Variants in DNAH9 observed in about 807,000 individuals in gnomAD.
DNAH9 encodes the protein dynein axonemal heavy chain 9.
DNAH9 carries 345 observed loss-of-function variants against 471.6 expected under a neutral mutation model. The observed-to-expected ratio is 0.73, with a 90% CI of 0.67 to 0.80. The LOEUF (loss-of-function observed/expected upper bound fraction) is 0.80, where lower values mean the gene tolerates loss of function less well. Among genes scored for constraint, DNAH9 ranks in the 30% least tolerant of loss-of-function variants. The pLI is 0.00. For missense variants in DNAH9, 5,407 were observed against 5,609.2 expected (o/e 0.96, Z 1.15); for synonymous variants, 2,093 against 2,123.6 (o/e 0.99, Z 0.40).
chr17:11,668,994 TA>T, intron 15 of DNAH9, 69 bp from the exon 16 acceptor site: 1 of 1,130,228 alleles, frequency 8.8e-7, no homozygotes. Flanking sequence ...TGGGTGCTTT[TA>T]AAACAGTCCT....
intron 27 of DNAH9, among the ~76,000 whole-genome samples, chr17:11,724,569 C>T (rs1189353822): frequency 1.3e-5 from 2 of 152,200 alleles, no homozygotes; most frequent in Admixed American, 1.3e-4. Context: ...TTTCTTTATG[C>T]ATTCATCCAT....
At position 11,694,664 on chromosome 17, in the gene DNAH9, CGCTT is replaced by C. The variant is rs2074406786; in HGVS notation, c.4872+218_4872+221del. On this transcript the variant is annotated intron_variant, in intron 22 of 68. Coordinates refer to ENST00000262442, the MANE Select transcript of DNAH9 (RefSeq NM_001372.4). ...TTGCTTTCTCGCTTTCTCGCTTTCT[CGCTT>C]TCTCGCTTTCTCGCTTTCTCGCTTT... Among the ~76,000 whole-genome samples the C allele has an allele frequency of 5.3e-4, 3 of 5,676 alleles. 1 individual carries two copies. The South Asian group carries it at 0.022, about 42-fold the overall frequency. The allele number at this position is 5,676 out of a possible 152,430, so 3.7% of individuals were successfully genotyped here. A position where few individuals can be genotyped will look rare whatever the true frequency, so the allele number is the denominator to read the frequency against.
intron 35 of DNAH9, among the ~76,000 whole-genome samples, chr17:11,762,086 T>C (rs990578972): frequency 6.6e-6 from 1 of 152,090 alleles, no homozygotes; most frequent in Non-Finnish European, 1.5e-5. Context: ...CATCAAGGAG[T>C]CAGTCTTCTC....
intron 55 of DNAH9, chr17:11,882,802 C>A: frequency 2.6e-6 from 1 of 390,046 alleles, no homozygotes; most frequent in Admixed American, 6.4e-5. Flanking sequence ...GAGGAGTTGG[C>A]ATCTGAGCTA....
At chr17:11,670,028 G>A (rs978756066) in intron 17 of DNAH9, among the ~76,000 whole-genome samples, 1 of 152,134 alleles carries the variant, frequency 6.6e-6, no homozygotes, top group African/African-American at 2.4e-5. Flanking sequence ...GTGTGTGAAA[G>A]GCACGTGGTT....
At position 11,783,612 on chromosome 17, in the gene DNAH9, G is replaced by A. The variant is rs537988892; in HGVS notation, c.7719-34G>A. ...AAGCACTCACCTGCCTCAGTCCTCA[G>A]ACACCTTTCACCTAGAGCTTCTGAC... On this transcript the variant is annotated intron_variant, in intron 39 of 68. Transcript: ENST00000262442. 14 of 1,572,708 alleles carry A rather than the reference G, an allele frequency of 8.9e-6. No homozygotes were observed. In the South Asian group the frequency reaches 1.5e-4, roughly 16 times the overall value.
chr17:11,953,178 G>A lies in DNAH9; in HGVS notation c.12844-8689G>A, dbSNP rs549118886. Among the ~76,000 whole-genome samples the A allele has an allele frequency of 7.4e-4, 112 of 152,210 alleles. 1 individual carries two copies. The highest frequency in any genetic ancestry group is 3.4e-3 in the Middle Eastern group (1 of 294). On this transcript the variant is annotated intron_variant, in intron 67 of 68. Transcript: ENST00000262442. ...CAACATATGAATTTGCCAGGTACATGGCCCAGTCCGTAGAGGGGGTTTTCT... is the reference window on the plus strand; with the variant it reads ...CAACATATGAATTTGCCAGGTACATAGCCCAGTCCGTAGAGGGGGTTTTCT...
chr17:11,598,491 C>T lies in DNAH9; in HGVS notation c.-8C>T. 1 of 1,364,992 alleles carries T rather than the reference C, an allele frequency of 7.3e-7. No individual in the cohort carries two copies. The highest frequency in any genetic ancestry group is 9.4e-7 in the Non-Finnish European group (1 of 1,067,740). The allele number at this position is 1,364,992 out of a possible 1,614,324, so 84.6% of individuals were successfully genotyped here. A position where few individuals can be genotyped will look rare whatever the true frequency, so the allele number is the denominator to read the frequency against. On this transcript the variant is annotated 5_prime_UTR_variant, in exon 1 of 69. Coordinates refer to ENST00000262442, the MANE Select transcript of DNAH9 (RefSeq NM_001372.4). ...TAGGGAAACCGATGCAGCTGGAGGC[C>T]GCGCGCGATGCGGCTCGCGGAGGAG... is the stretch of plus-strand genomic sequence containing the variant.
In DNAH9 at chr17:11,942,483, A is replaced by AAGGTGAG. The variant is rs1232503885; in HGVS notation, c.12842_12843+5dup. The AAGGTGAG allele has an allele frequency of 6.2e-7, 1 of 1,613,578 alleles. No homozygotes were observed. On this transcript the variant is annotated frameshift_variant and splice_region_variant, in exon 67 of 69. Transcript: ENST00000262442. LOFTEE classifies it high-confidence loss of function. Reference sequence around the variant, plus strand: ...ACTGAGGGAGCTGGAGCTCGGCTTAAAGGTGAGCGCGGTCTTGTAAGGCAT... The same window carrying AAGGTGAG: ...ACTGAGGGAGCTGGAGCTCGGCTTAAAGGTGAGAGGTGAGCGCGGTCTTGTAAGGCAT...
intron 13 of DNAH9, 37 bp downstream of exon 13, chr17:11,651,361 G>C: frequency 1.3e-6 from 2 of 1,581,106 alleles, no homozygotes; most frequent in South Asian, 2.3e-5. Flanking sequence ...CAAAAACATG[G>C]AGATTCGAGG....
intron 28 of DNAH9, among the ~76,000 whole-genome samples, chr17:11,737,454 C>T (rs59149807): frequency 7.4e-4 from 113 of 152,192 alleles, no homozygotes; most frequent in African/African-American, 2.6e-3. Flanking sequence ...AACCTTGCAC[C>T]GGCCCCAGCT....
chr17:11,836,619 C>T (rs1567837305), intron 49 of DNAH9, among the ~76,000 whole-genome samples: 1 of 152,196 alleles, frequency 6.6e-6, no homozygotes, highest in Non-Finnish European at 1.5e-5. Context: ...ACACTCTGCT[C>T]ACCTGTAGGC....
At chr17:11,740,136 C>G (rs1182244063) in intron 29 of DNAH9, among the ~76,000 whole-genome samples, 1 of 152,196 alleles carries the variant, frequency 6.6e-6, no homozygotes, top group African/African-American at 2.4e-5. Context: ...ACGGGTGCTA[C>G]AGAAAACTGC....
At chr17:11,887,046 C>G in intron 57 of DNAH9, 81 bp downstream of exon 57, 3 of 1,490,292 alleles carry the variant, frequency 2.0e-6, no homozygotes, top group Non-Finnish European at 2.7e-6. Flanking sequence ...GAGAGCTTAT[C>G]CATGTAAGAT....
intron 6 of DNAH9, among the ~76,000 whole-genome samples, chr17:11,624,843 A>G (rs2072941865): frequency 6.6e-6 from 1 of 152,066 alleles, no homozygotes; most frequent in East Asian, 1.9e-4. Context: ...TTGTACACTC[A>G]ATTTTTGCCA....
At chr17:11,915,689 T>G (rs1973928533) in intron 61 of DNAH9, among the ~76,000 whole-genome samples, 1 of 152,226 alleles carries the variant, frequency 6.6e-6, no homozygotes, top group African/African-American at 2.4e-5. Context: ...CCTAGGACAT[T>G]GGCACAAATT....
chr17:11,730,216 G>A (rs2075234998), intron 28 of DNAH9, among the ~76,000 whole-genome samples: 1 of 152,180 alleles, frequency 6.6e-6, no homozygotes, highest in East Asian at 1.9e-4. Context: ...CCCTTGACCA[G>A]CTTGGCTTGA....
intron 58 of DNAH9, among the ~76,000 whole-genome samples, chr17:11,893,531 AG>A (rs907355731): frequency 6.6e-6 from 1 of 152,240 alleles, no homozygotes; most frequent in Non-Finnish European, 1.5e-5. Flanking sequence ...AATACTATGC[AG>A]CCATAAAAAA....
At chr17:11,654,355 C>CTAAAAAAAAAAAAAA (rs2073586966) in intron 14 of DNAH9, among the ~76,000 whole-genome samples, 1 of 11,258 alleles carries the variant, frequency 8.9e-5, no homozygotes, top group Non-Finnish European at 8.1e-4. Context: ...GACTCCGTCT[C>CTAAAAAAAAAAAAAA]AAAAAAAAAA....
Sources: gnomAD v4.1 joint callset for allele counts (sites outside exome capture counted in the v4.1 genomes callset) on GRCh38, gnomAD v4.1.1 for gene constraint, MANE v1.5 for transcripts, NCBI Gene and HGNC (gene_info 2026-07-23, HGNC 2026-07-21) for gene names.